The following EPS15 variants were observed in gnomAD, a reference collection of about 807,000 sequenced individuals.
EPS15 encodes the protein epidermal growth factor receptor pathway substrate 15.
Under a neutral mutation model 113.8 loss-of-function variants are expected in EPS15, and 72 were observed. The ratio of observed to expected loss-of-function variants is 0.63; its 90% confidence interval spans 0.52 to 0.77. The LOEUF (loss-of-function observed/expected upper bound fraction) is 0.77. Among genes scored for constraint, EPS15 ranks in the 30% least tolerant of loss-of-function variants. The pLI, the probability that EPS15 is intolerant of heterozygous loss-of-function variation, is 0.00. For synonymous variants in EPS15, 344 were observed against 363.4 expected (o/e 0.95, Z 0.61); for missense variants, 1,048 against 1,045.8 (o/e 1.00, Z -0.03).
intron 16 of EPS15, among the ~76,000 whole-genome samples, chr1:51,405,141 C>T (rs1186561075): frequency 2.6e-5 from 4 of 152,146 alleles, no homozygotes; most frequent in East Asian, 3.8e-4. Context: ...GAAAATTCTG[C>T]GCTTCCTTTA....
intron 4 of EPS15, among the ~76,000 whole-genome samples, chr1:51,470,623 G>T (rs1279909776): frequency 6.8e-6 from 1 of 146,208 alleles, no homozygotes; most frequent in Non-Finnish European, 1.5e-5. Context: ...CTCCAGCCTG[G>T]GTAACAGATC....
intron 1 of EPS15, among the ~76,000 whole-genome samples, chr1:51,513,335 G>C (rs1316427345): frequency 6.6e-6 from 1 of 152,114 alleles, no homozygotes; most frequent in Non-Finnish European, 1.5e-5. Flanking sequence ...TTCACATATA[G>C]AAATACCCTG....
intron 20 of EPS15, 85 bp from the exon 21 acceptor site, chr1:51,394,532 T>C: frequency 5.8e-6 from 4 of 688,906 alleles, no homozygotes; most frequent in Non-Finnish European, 9.5e-6. Flanking sequence ...ATATATTCTT[T>C]ACAAATTCTT....
At position 51,495,680 on chromosome 1, in the gene EPS15, T is replaced by C. The variant is rs146956854; in HGVS notation, c.34-14366A>G. ...TCCTTATTTCCAAACAGCAAAGAATTTGGCAAAAAAAAAACCTCTCCTTAA... is the reference window on the plus strand; with the variant it reads ...TCCTTATTTCCAAACAGCAAAGAATCTGGCAAAAAAAAAACCTCTCCTTAA... On this transcript the variant is annotated intron_variant, in intron 1 of 24. Coordinates refer to ENST00000371733, the MANE Select transcript of EPS15 (RefSeq NM_001981.3). 3.0e-4 allele frequency among the ~76,000 whole-genome samples: 46 copies of C among 151,606 alleles called. 2 individuals are homozygous for C. The highest frequency in any genetic ancestry group is 1.1e-3 in the African/African-American group (44 of 41,304).
chr1:51,419,032 C>T (rs1373268366), intron 13 of EPS15, among the ~76,000 whole-genome samples: 1 of 152,230 alleles, frequency 6.6e-6, no homozygotes, highest in Admixed American at 6.5e-5. Context: ...TAAGATCATA[C>T]ATAGGCAATT....
rs1557545193 is a variant in EPS15 at position 51,516,719 on chromosome 1, G to T, written c.33+2480C>A. Among the ~76,000 whole-genome samples the T allele has an allele frequency of 3.9e-5, 6 of 152,192 alleles. No individual in the cohort carries two copies. In the South Asian group the frequency reaches 1.2e-3, roughly 32 times the overall value. Reference sequence around the variant, plus strand: ...CCAGTACAATGTCTAGTACATAATAGGTACTATAAAAATATTTGCTGAATG... The same window carrying T: ...CCAGTACAATGTCTAGTACATAATATGTACTATAAAAATATTTGCTGAATG... On this transcript the variant is annotated intron_variant, in intron 1 of 24. Transcript: ENST00000371733.
At chr1:51,446,124 T>C (rs536476822) in intron 10 of EPS15, among the ~76,000 whole-genome samples, 23 of 152,312 alleles carry the variant, frequency 1.5e-4, no homozygotes, top group South Asian at 6.2e-4. Flanking sequence ...TTTCTGCCTC[T>C]TGAAAACCTG....
chr1:51,367,190 T>C (rs1229912173), intron 21 of EPS15, among the ~76,000 whole-genome samples: 1 of 151,354 alleles, frequency 6.6e-6, no homozygotes, highest in Non-Finnish European at 1.5e-5. Context: ...AGAAATGGAG[T>C]TTACCAAATA....
chr1:51,371,000 C>A (rs1646635203), intron 21 of EPS15, among the ~76,000 whole-genome samples: 2 of 152,242 alleles, frequency 1.3e-5, no homozygotes, highest in South Asian at 4.1e-4. Flanking sequence ...ACTGCAACTT[C>A]CACCTCCCGG....
chr1:51,508,338 G>GAGAAAGAAAGAAAGAAAGAAAGAA (rs369528436), intron 1 of EPS15, among the ~76,000 whole-genome samples: 7 of 122,328 alleles, frequency 5.7e-5, no homozygotes, highest in East Asian at 4.7e-4. Flanking sequence ...AAGAGAAAGA[G>GAGAAAGAAAGAAAGAAAGAAAGAA]AGAAAGAAAG....
intron 9 of EPS15, among the ~76,000 whole-genome samples, chr1:51,447,769 GT>G: frequency 6.6e-6 from 1 of 152,330 alleles, no homozygotes; most frequent in South Asian, 2.1e-4. Flanking sequence ...AAGGCCTAAT[GT>G]AGAAGGAATA....
chr1:51,471,278 T>G (rs1318666937), intron 4 of EPS15, among the ~76,000 whole-genome samples: 1 of 152,214 alleles, frequency 6.6e-6, no homozygotes, highest in Non-Finnish European at 1.5e-5. Context: ...CATTTTTTGG[T>G]TTATATATCA....
chr1:51,483,650 C>T (rs1644064448), intron 1 of EPS15, among the ~76,000 whole-genome samples: 1 of 151,918 alleles, frequency 6.6e-6, no homozygotes, highest in East Asian at 1.9e-4. Context: ...TACAAAAATA[C>T]AAAAAATTAG....
At chr1:51,422,144 G>T in intron 12 of EPS15, 1 of 766,580 alleles carries the variant, frequency 1.3e-6, no homozygotes, top group Non-Finnish European at 1.7e-6. Context: ...AGGTTTCACT[G>T]ATGTCACTGT....
chr1:51,512,841 A>ACCT (rs1644648631), intron 1 of EPS15, among the ~76,000 whole-genome samples: 2 of 141,212 alleles, frequency 1.4e-5, no homozygotes, highest in African/African-American at 5.5e-5. Flanking sequence ...AATGAGCAAT[A>ACCT]TCTTTTTTTT....
At chr1:51,403,635 G>T in intron 16 of EPS15, 103 bp from the exon 17 acceptor site, 2 of 586,790 alleles carry the variant, frequency 3.4e-6, no homozygotes, top group Non-Finnish European at 2.9e-6. Flanking sequence ...AAAAAGACAA[G>T]CAGAATGTAT....
chr1:51,497,273 GC>G (rs1264336625), intron 1 of EPS15, among the ~76,000 whole-genome samples: 1 of 152,062 alleles, frequency 6.6e-6, no homozygotes, highest in Non-Finnish European at 1.5e-5. Flanking sequence ...CAGTCAGCTA[GC>G]AAATTTCTTT....
chr1:51,428,414 T>C (rs570320335), intron 12 of EPS15, among the ~76,000 whole-genome samples: 70 of 152,310 alleles, frequency 4.6e-4, no homozygotes, highest in African/African-American at 1.6e-3. Context: ...AAGAGACAAA[T>C]GCATAAAAAA....
At chr1:51,513,498 G>A (rs894076954) in intron 1 of EPS15, among the ~76,000 whole-genome samples, 6 of 152,042 alleles carry the variant, frequency 3.9e-5, no homozygotes, top group Admixed American at 1.3e-4. Context: ...ATATTTATTC[G>A]CATATACACA....
Sources: allele counts gnomAD v4.1 joint callset (sites outside exome capture counted in the v4.1 genomes callset), GRCh38; gene constraint gnomAD v4.1.1; transcripts MANE v1.5; gene names NCBI Gene and HGNC (gene_info 2026-07-23, HGNC 2026-07-21).